SLC38A4: variants seen among roughly 807,000 people sequenced by gnomAD.
SLC38A4 encodes the protein solute carrier family 38 member 4.
SLC38A4 carries 20 observed loss-of-function variants against 63.1 expected under a neutral mutation model. The observed-to-expected ratio is 0.32, with a 90% CI of 0.22 to 0.46. The LOEUF is 0.46. Among genes scored for constraint, SLC38A4 ranks in the 20% least tolerant of loss-of-function variants. SLC38A4 has a pLI of 1.00. For synonymous variants in SLC38A4, 230 were observed against 225.5 expected (o/e 1.02, Z -0.18); for missense variants, 526 against 663.6 (o/e 0.79, Z 2.28).
chr12:46,779,736 G>A (rs1300831586), intron 9 of SLC38A4, 44 bp downstream of exon 9: 2 of 1,584,734 alleles, frequency 1.3e-6, no homozygotes, highest in South Asian at 1.2e-5. Flanking sequence ...CTATTTAAAT[G>A]TGAAATAAAA....
chr12:46,827,882 A>G (rs1307644223), upstream of SLC38A4, among the ~76,000 whole-genome samples: 3 of 152,148 alleles, frequency 2.0e-5, no homozygotes. Flanking sequence ...GCTTTCTATT[A>G]TGGGGCCATA....
chr12:46,784,178 G>A (rs547170970), intron 7 of SLC38A4, among the ~76,000 whole-genome samples: 3 of 151,674 alleles, frequency 2.0e-5, no homozygotes, highest in African/African-American at 4.9e-5. Flanking sequence ...TTAGTAAATC[G>A]AACTCAGTCA....
intron 3 of SLC38A4, among the ~76,000 whole-genome samples, 197 bp downstream of exon 3, chr12:46,792,756 T>C (rs556276567): frequency 6.6e-6 from 1 of 152,274 alleles, no homozygotes; most frequent in African/African-American, 2.4e-5. Flanking sequence ...CATTGTAACC[T>C]CAATTCTAAA....
chr12:46,778,598 T>C lies in SLC38A4; in HGVS notation c.896A>G (p.Glu299Gly). Residue 299 changes from glutamate (E) to glycine (G), a missense_variant, in exon 11 of 17, where the codon GAG (glutamate) becomes GGG (glycine). Coordinates refer to ENST00000266579, the MANE Select transcript of SLC38A4 (RefSeq NM_018018.5). ...YTHRNPAGLD[E>G]NQAKGSLHDS... ...ATGAAGAGAGCCCTTGGCCTGGTTC[T>C]CATCCAGCCCTGCAGGATTGCGGTG... 6.2e-7 allele frequency: 1 copy of C among 1,613,094 alleles called. No individual in the cohort carries two copies. The highest frequency in any genetic ancestry group is 1.1e-5 in the South Asian group (1 of 91,064).
At chr12:46,796,923 G>C (rs1471176671) in intron 2 of SLC38A4, among the ~76,000 whole-genome samples, 1 of 152,002 alleles carries the variant, frequency 6.6e-6, no homozygotes, top group East Asian at 1.9e-4. Flanking sequence ...GCTACTGCAG[G>C]GCTCCCTATG....
In SLC38A4 at chr12:46,769,311, T is replaced by C. The variant is rs375186720; in HGVS notation, c.1417A>G (p.Thr473Ala). The change falls in exon 15 of 17, where the codon ACT (threonine) becomes GCT (alanine). Residue 473 changes from threonine (T) to alanine (A), a missense_variant. Transcript: ENST00000266579. ...LNNVLVILVP[T>A]IKYIFGFIGA... ...ATGAATCCGAAGATGTATTTTATAG[T>C]TGGCACAAGGATGACCAGAACATTA... 1.9e-6 allele frequency: 3 copies of C among 1,613,106 alleles called. No individual in the cohort carries two copies. In the African/African-American group the frequency reaches 4.0e-5, roughly 22 times the overall value.
intron 1 of SLC38A4, among the ~76,000 whole-genome samples, chr12:46,811,875 C>A (rs1168629772): frequency 6.7e-6 from 1 of 149,952 alleles, no homozygotes; most frequent in East Asian, 2.0e-4. Flanking sequence ...TAAACTATGT[C>A]AAAAAAAAAG....
intron 7 of SLC38A4, among the ~76,000 whole-genome samples, chr12:46,782,698 A>G (rs1938667656): frequency 6.6e-6 from 1 of 151,576 alleles, no homozygotes; most frequent in South Asian, 2.1e-4. Context: ...ACCAGGGAGG[A>G]GAGAAGCATA....
At chr12:46,784,919 T>G (rs1240710767) in intron 6 of SLC38A4, among the ~76,000 whole-genome samples, 185 bp downstream of exon 6, 2 of 152,066 alleles carry the variant, frequency 1.3e-5, no homozygotes, top group African/African-American at 4.8e-5. Context: ...CCTGAGCCAG[T>G]TGACTTTCAC....
At chr12:46,773,139 G>T (rs1343228592) in intron 14 of SLC38A4, among the ~76,000 whole-genome samples, 1 of 152,092 alleles carries the variant, frequency 6.6e-6, no homozygotes, top group Non-Finnish European at 1.5e-5. Flanking sequence ...TGTATAGGGA[G>T]GTTTGGTTCA....
intron 1 of SLC38A4, among the ~76,000 whole-genome samples, chr12:46,824,595 A>G (rs560083797): frequency 5.3e-5 from 8 of 152,168 alleles, no homozygotes; most frequent in Non-Finnish European, 1.0e-4. Flanking sequence ...CTATCCATCT[A>G]CTCAATAACT....
At chr12:46,803,086 A>T (rs1240635562) in intron 2 of SLC38A4, among the ~76,000 whole-genome samples, 1 of 152,092 alleles carries the variant, frequency 6.6e-6, no homozygotes, top group Non-Finnish European at 1.5e-5. Context: ...TCATTTGATA[A>T]TGGTACAGCC....
intron 14 of SLC38A4, 83 bp from the exon 15 acceptor site, chr12:46,769,511 G>T: frequency 6.3e-6 from 9 of 1,433,196 alleles, no homozygotes; most frequent in South Asian, 2.7e-5. Context: ...TCACTCTAAT[G>T]CATTTTCTTT....
At chr12:46,807,996 G>T (rs1939268101) in intron 1 of SLC38A4, among the ~76,000 whole-genome samples, 1 of 151,572 alleles carries the variant, frequency 6.6e-6, no homozygotes, top group Non-Finnish European at 1.5e-5. Context: ...GTGGAAGCTT[G>T]AGCCACTTCT....
At chr12:46,774,846 T>C (rs1938490591) in intron 14 of SLC38A4, among the ~76,000 whole-genome samples, 3 of 152,048 alleles carry the variant, frequency 2.0e-5, no homozygotes, top group Admixed American at 6.6e-5. Context: ...TTTCCTACAC[T>C]ATAAAAATAC....
At chr12:46,821,153 C>G (rs978908718) in intron 1 of SLC38A4, among the ~76,000 whole-genome samples, 3 of 152,030 alleles carry the variant, frequency 2.0e-5, no homozygotes, top group Admixed American at 1.3e-4. Flanking sequence ...TGTGCAGAAG[C>G]CTTTTAGTTT....
chr12:46,789,426 A>C (rs751070695), intron 3 of SLC38A4, among the ~76,000 whole-genome samples: 1 of 152,124 alleles, frequency 6.6e-6, no homozygotes, highest in Non-Finnish European at 1.5e-5. Flanking sequence ...AGAAAACTTT[A>C]AGATGTCACT....
chr12:46,813,034 T>C (rs1196326174), intron 1 of SLC38A4, among the ~76,000 whole-genome samples: 1 of 151,986 alleles, frequency 6.6e-6, no homozygotes, highest in Non-Finnish European at 1.5e-5. Flanking sequence ...TGAGTAATCT[T>C]TGAATATCTA....
At chr12:46,801,612 G>A (rs565977148) in intron 2 of SLC38A4, among the ~76,000 whole-genome samples, 1 of 152,020 alleles carries the variant, frequency 6.6e-6, no homozygotes, top group Non-Finnish European at 1.5e-5. Flanking sequence ...TTTACCCTTT[G>A]GTTGAGCAAG....
Sources: gnomAD v4.1 joint callset for allele counts (sites outside exome capture counted in the v4.1 genomes callset) on GRCh38, gnomAD v4.1.1 for gene constraint, MANE v1.5 for transcripts, NCBI Gene and HGNC (gene_info 2026-07-23, HGNC 2026-07-21) for gene names.